RABGEF1: variants seen among roughly 807,000 people sequenced by gnomAD.
The protein encoded by RABGEF1 is rab5 GDP/GTP exchange factor.
RABGEF1 carries 26 observed loss-of-function variants against 57.3 expected under a neutral mutation model. The ratio of observed to expected loss-of-function variants is 0.45; its 90% CI spans 0.33 to 0.63. RABGEF1 has a LOEUF of 0.63. RABGEF1 is among the 20% of genes least tolerant of loss of function. RABGEF1 has a pLI of 0.02. For synonymous variants in RABGEF1, 185 were observed against 210.7 expected, an observed-to-expected ratio of 0.88 and a Z score of 1.06; for missense variants, 464 against 607.6, an observed-to-expected ratio of 0.76 and a Z score of 2.48.
At chr7:66,657,848 A>T in the RABGEF1 span, among the ~76,000 whole-genome samples, 2 of 152,114 alleles carry the variant, frequency 1.3e-5, no homozygotes, top group South Asian at 4.1e-4. Context: ...ATAAAAAATA[A>T]AAGTAAGAAA....
chr7:66,785,452 G>A (rs1404986684), intron 4 of RABGEF1, among the ~76,000 whole-genome samples: 2 of 152,188 alleles, frequency 1.3e-5, no homozygotes, highest in African/African-American at 4.8e-5. Flanking sequence ...TTGTCTGCAA[G>A]TTAATGTCCT....
chr7:66,656,029 G>A, the RABGEF1 span, among the ~76,000 whole-genome samples: 1 of 152,206 alleles, frequency 6.6e-6, no homozygotes, highest in Non-Finnish European at 1.5e-5. Flanking sequence ...CTTTCTGCAT[G>A]TGTCTTGAAG....
chr7:66,701,090 ACT>A (rs1491048875), intron 1 of RABGEF1, among the ~76,000 whole-genome samples: 2 of 131,638 alleles, frequency 1.5e-5, no homozygotes, highest in East Asian at 5.0e-4. Context: ...AGGGGTGGGG[ACT>A]GTTTGTGAGC....
chr7:66,806,740 T>C (rs1788530060), intron 8 of RABGEF1, among the ~76,000 whole-genome samples: 2 of 148,716 alleles, frequency 1.3e-5, no homozygotes, highest in Non-Finnish European at 3.0e-5. Flanking sequence ...GTCTCCTGGG[T>C]TCAAGTGATT....
intron 5 of RABGEF1, among the ~76,000 whole-genome samples, chr7:66,796,370 G>A (rs1191320793): frequency 1.3e-5 from 2 of 152,118 alleles, no homozygotes; most frequent in Non-Finnish European, 2.9e-5. Context: ...AGAGCTCTAC[G>A]ATGTTATGGT....
chr7:66,670,676 T>C, the RABGEF1 span, among the ~76,000 whole-genome samples: 1 of 151,774 alleles, frequency 6.6e-6, no homozygotes, highest in Non-Finnish European at 1.5e-5. Context: ...TGAAACCCCA[T>C]CTCTACTAAA....
chr7:66,671,593 G>A, the RABGEF1 span, among the ~76,000 whole-genome samples: 15 of 152,252 alleles, frequency 9.9e-5, no homozygotes, highest in Admixed American at 6.5e-4. Flanking sequence ...GCCAAGGAAA[G>A]TCTTTTTTAA....
rs1788162441 is a variant in RABGEF1, at chr7:66,805,142, A to G, written c.823A>G (p.Ile275Val). ...ATATTGTCTTTTCTGCTTTGTAGAT[A>G]TCATTGAAATGGATTCCAAGCGTGT... Reference protein sequence around the residue: ...SDMVVKAITDIIEMDSKRVPR... With the variant: ...SDMVVKAITDVIEMDSKRVPR... The change falls in exon 8 of 9, where the codon ATC becomes GTC. Residue 275 changes from isoleucine (I) to valine (V), a missense_variant and splice_region_variant. Around this residue, in one of 4 missense-constraint regions of RABGEF1, gnomAD observed 284 missense variants for 389.9 expected, o/e 0.73. Coordinates refer to ENST00000284957, the MANE Select transcript of RABGEF1 (RefSeq NM_014504.3). 6.3e-7 allele frequency: 1 copy of G among 1,598,612 alleles called. No individual in the cohort carries two copies. Among genetic ancestry groups the G allele is most frequent in the Non-Finnish European group, 8.6e-7 (1 of 1,165,948 alleles).
At chr7:66,769,458 A>G (rs760779807) in intron 1 of RABGEF1, among the ~76,000 whole-genome samples, 4 of 152,174 alleles carry the variant, frequency 2.6e-5, no homozygotes, top group Non-Finnish European at 4.4e-5. Context: ...AAACATCTCA[A>G]TCTTTAGTTA....
chr7:66,742,135 A>T (rs1478858597), intron 1 of RABGEF1, among the ~76,000 whole-genome samples: 6 of 148,232 alleles, frequency 4.0e-5, no homozygotes, highest in Non-Finnish European at 9.0e-5. Flanking sequence ...TGGGCGACAG[A>T]GCTAGACTCT....
chr7:66,758,350 C>T (rs865888597), intron 1 of RABGEF1, among the ~76,000 whole-genome samples: 5 of 152,162 alleles, frequency 3.3e-5, no homozygotes, highest in Non-Finnish European at 5.9e-5. Flanking sequence ...AACCTAGCGC[C>T]GAGGCACAAT....
At chr7:66,763,953 A>G (rs1045636008) in intron 1 of RABGEF1, among the ~76,000 whole-genome samples, 1 of 152,100 alleles carries the variant, frequency 6.6e-6, no homozygotes, top group African/African-American at 2.4e-5. Context: ...ATTCACGTAC[A>G]AGTTTCTCTG....
chr7:66,709,897 C>T (rs1794578544), intron 1 of RABGEF1, among the ~76,000 whole-genome samples: 3 of 152,190 alleles, frequency 2.0e-5, no homozygotes, highest in African/African-American at 7.2e-5. Context: ...GTATACCCAA[C>T]CCTCACACCA....
chr7:66,798,281 C>T (rs780939846), intron 6 of RABGEF1, among the ~76,000 whole-genome samples: 1 of 152,178 alleles, frequency 6.6e-6, no homozygotes, highest in Non-Finnish European at 1.5e-5. Flanking sequence ...CTGTGTACTC[C>T]AGTTGCGGTG....
chr7:66,781,524 C>T (rs539075806), intron 3 of RABGEF1, among the ~76,000 whole-genome samples: 1 of 152,284 alleles, frequency 6.6e-6, no homozygotes, highest in East Asian at 1.9e-4. Context: ...TGTCCCCCAC[C>T]ACCCAATAGG....
intron 3 of RABGEF1, among the ~76,000 whole-genome samples, chr7:66,777,798 AAATT>A (rs1808902152): frequency 3.3e-5 from 5 of 152,300 alleles, no homozygotes; most frequent in African/African-American, 4.8e-5. Context: ...AACATTAAAA[AAATT>A]AATTAATTAA....
intron 6 of RABGEF1, 139 bp downstream of exon 6, chr7:66,797,645 C>A: frequency 2.1e-6 from 2 of 941,944 alleles, no homozygotes; most frequent in Non-Finnish European, 3.1e-6. Flanking sequence ...GTGGAAGCAG[C>A]TCTGTTGTGT....
chr7:66,783,133 G>A (rs953355435), intron 3 of RABGEF1, among the ~76,000 whole-genome samples: 9 of 152,176 alleles, frequency 5.9e-5, no homozygotes, highest in Non-Finnish European at 1.3e-4. Flanking sequence ...CTTTGGATGC[G>A]TTCTTTCACT....
Position 66,799,348 on chromosome 7 carries a change from A to T in RABGEF1, c.754A>T (p.Met252Leu). 1 of 1,611,274 alleles carries T rather than the reference A, an allele frequency of 6.2e-7. No homozygotes were observed. Residue 252 changes from methionine to leucine, a missense_variant, in exon 7 of 9, where the codon ATG becomes TTG. By Grantham distance (15) the Met-to-Leu change is conservative (BLOSUM62 2). Coordinates refer to ENST00000284957, the MANE Select transcript of RABGEF1 (RefSeq NM_014504.3). ...IRALRWVTPQ[M>L]LCVPVNEDIP... is the part of the protein sequence containing the mutation. ...AGCCCTGCGCTGGGTTACGCCTCAG[A>T]TGCTGTGTGTCCCTGTTAATGAAGA...
Sources: allele counts gnomAD v4.1 joint callset (sites outside exome capture counted in the v4.1 genomes callset), GRCh38; gene constraint gnomAD v4.1.1; regional missense constraint gnomAD v4.1.1; transcripts MANE v1.5; gene names NCBI Gene and HGNC (gene_info 2026-07-23, HGNC 2026-07-21).